Variants in THSD7A observed in about 807,000 individuals in gnomAD.
The protein encoded by THSD7A is thrombospondin type-1 domain-containing protein 7A.
THSD7A carries 96 observed loss-of-function variants against 231.3 expected under a neutral mutation model. That is an observed-to-expected ratio of 0.41 (90% CI 0.35 to 0.49). The LOEUF (loss-of-function observed/expected upper bound fraction) is 0.49. Among genes scored for constraint, THSD7A ranks in the 20% least tolerant of loss-of-function variants. THSD7A has a pLI of 0.05. For synonymous variants in THSD7A, 940 were observed against 743.3 expected (o/e 1.26, Z -4.30); for missense variants, 2,290 against 2,070.2 (o/e 1.11, Z -2.06).
At chr7:11,810,482 T>C (rs1184919476) in intron 1 of THSD7A, among the ~76,000 whole-genome samples, 1 of 152,190 alleles carries the variant, frequency 6.6e-6, no homozygotes, top group African/African-American at 2.4e-5. Context: ...CATACATGTC[T>C]ATACTTCCCC....
At chr7:11,801,488 T>C (rs561394009) in intron 1 of THSD7A, among the ~76,000 whole-genome samples, 3 of 152,262 alleles carry the variant, frequency 2.0e-5, no homozygotes, top group East Asian at 1.9e-4. Context: ...CGTTAGAAAG[T>C]GCCAGAAACA....
At position 11,812,140 on chromosome 7, in the gene THSD7A, T is replaced by TGTGTGTGTGTGTGTGA. The variant is rs377112108; in HGVS notation, c.190+19616_190+19617insTCACACACACACACAC. Among the ~76,000 whole-genome samples the TGTGTGTGTGTGTGTGA allele has an allele frequency of 1.0e-3, 152 of 147,012 alleles. 8 individuals carry two copies. Among genetic ancestry groups the TGTGTGTGTGTGTGTGA allele is most frequent in the African/African-American group, 3.8e-3 (144 of 38,322 alleles). Reference sequence around the variant, plus strand: ...GTGTGTGTGTGTGTGTGTGTGTGTGTGGGAGACAGAGAGAGAGATATGGGG... The same window carrying TGTGTGTGTGTGTGTGA: ...GTGTGTGTGTGTGTGTGTGTGTGTGTGTGTGTGTGTGTGTGAGGGAGACAGAGAGAGAGATATGGGG... On this transcript the variant is annotated intron_variant, in intron 1 of 27. Transcript: ENST00000423059.
intron 13 of THSD7A, among the ~76,000 whole-genome samples, chr7:11,434,342 T>G (rs1476550071): frequency 6.6e-6 from 1 of 152,050 alleles, no homozygotes; most frequent in South Asian, 2.1e-4. Flanking sequence ...TCTGATTATA[T>G]TTTTGACTGC....
At chr7:11,680,417 C>A (rs1193155419) in intron 1 of THSD7A, among the ~76,000 whole-genome samples, 1 of 152,064 alleles carries the variant, frequency 6.6e-6, no homozygotes, top group African/African-American at 2.4e-5. Context: ...AACAGGCAAC[C>A]TACAGAATGG....
intron 2 of THSD7A, among the ~76,000 whole-genome samples, chr7:11,608,978 G>C (rs1175454289): frequency 6.6e-6 from 1 of 152,142 alleles, no homozygotes; most frequent in African/African-American, 2.4e-5. Context: ...ATCATCTGGT[G>C]ATCTCCATTT....
At chr7:11,494,455 A>G (rs987741165) in intron 6 of THSD7A, among the ~76,000 whole-genome samples, 4 of 152,044 alleles carry the variant, frequency 2.6e-5, no homozygotes, top group African/African-American at 9.7e-5. Context: ...GCCTATGACT[A>G]AAGTTCCAGG....
rs1356742054 is a variant in THSD7A at position 11,406,453 on chromosome 7, T to C, written c.4084A>G (p.Thr1362Ala). The C allele has an allele frequency of 6.2e-7, 1 of 1,612,910 alleles. No individual in the cohort carries two copies. The highest frequency in any genetic ancestry group is 2.2e-5 in the East Asian group (1 of 44,870). The change falls in exon 22 of 28, where the codon ACC (threonine) becomes GCC (alanine). Residue 1362 changes from threonine to alanine, a missense_variant. Thr to Ala is a moderately conservative substitution (Grantham distance 58, BLOSUM62 0). Coordinates refer to ENST00000423059, the MANE Select transcript of THSD7A (RefSeq NM_015204.3). This position sits in a 1 kb window ranked among gnomAD's most constrained non-coding sequence, Gnocchi z 4.7. ...ACACAAGAAATGTTCCTTGTTCTGGTCCCTTCTCCACACTGGGCCTCCTGG... is the reference window on the plus strand; with the variant it reads ...ACACAAGAAATGTTCCTTGTTCTGGCCCCTTCTCCACACTGGGCCTCCTGG... ...QVQEAQCGEG[T>A]RTRNISCVVS...
chr7:11,808,373 C>A (rs2128183506), intron 1 of THSD7A, among the ~76,000 whole-genome samples: 1 of 152,190 alleles, frequency 6.6e-6, no homozygotes. Context: ...ACACAGCATC[C>A]CTCACCTTCA....
chr7:11,642,724 G>GT (rs1330912957), intron 1 of THSD7A, among the ~76,000 whole-genome samples: 7 of 152,090 alleles, frequency 4.6e-5, no homozygotes, highest in Non-Finnish European at 8.8e-5. Context: ...ACTTGGCTTA[G>GT]TTTTCCTTAG....
At chr7:11,767,850 C>T (rs985324480) in intron 1 of THSD7A, among the ~76,000 whole-genome samples, 1 of 152,094 alleles carries the variant, frequency 6.6e-6, no homozygotes. Context: ...AAGGAAACAG[C>T]TCAGCATAAA....
At chr7:11,766,974 CT>C (rs948690039) in intron 1 of THSD7A, among the ~76,000 whole-genome samples, 1 of 152,060 alleles carries the variant, frequency 6.6e-6, no homozygotes, top group Non-Finnish European at 1.5e-5. Context: ...AAGAGAAGGT[CT>C]TTGTTTCTAG....
intron 1 of THSD7A, among the ~76,000 whole-genome samples, chr7:11,735,478 G>C (rs1284528479): frequency 6.6e-6 from 1 of 151,792 alleles, no homozygotes; most frequent in Admixed American, 6.6e-5. Context: ...TTACCTTCAG[G>C]CTATGTGTGT....
rs1784973486 is a variant in THSD7A, at chr7:11,446,413, T to C, written c.2801-89A>G. 15 of 1,367,476 alleles carry C rather than the reference T, an allele frequency of 1.1e-5. No individual in the cohort carries two copies. Among genetic ancestry groups the C allele is most frequent in the Non-Finnish European group, 1.4e-5 (14 of 1,009,936 alleles). The allele number at this position is 1,367,476 out of a possible 1,614,324, so 84.7% of individuals were successfully genotyped here. On this transcript the variant is annotated intron_variant, in intron 12 of 27. Coordinates refer to ENST00000423059, the MANE Select transcript of THSD7A (RefSeq NM_015204.3). The surrounding 1 kb of genome is among the most constrained non-coding windows in gnomAD (Gnocchi z 4.0). ...CTAAATTTTCTGCTTTCCTAATTTC[T>C]TTTTCTTCATTTTTAACCATATTTA...
intron 2 of THSD7A, among the ~76,000 whole-genome samples, chr7:11,614,697 T>C (rs1781047447): frequency 6.6e-6 from 1 of 152,246 alleles, no homozygotes; most frequent in South Asian, 2.1e-4. Flanking sequence ...CTAGCTTGTC[T>C]TGTTCTAGTA....
At chr7:11,782,643 T>G (rs77485907) in intron 1 of THSD7A, among the ~76,000 whole-genome samples, 3,908 of 152,228 alleles carry the variant, frequency 0.026, 180 homozygotes, top group African/African-American at 0.089. Context: ...GGCCAGAAAC[T>G]GTTTTAATAT....
intron 1 of THSD7A, among the ~76,000 whole-genome samples, chr7:11,724,725 T>C (rs1378497965): frequency 1.3e-5 from 2 of 151,940 alleles, no homozygotes. Flanking sequence ...TAAGAAAAAT[T>C]GCCATTTTCT....
intron 4 of THSD7A, among the ~76,000 whole-genome samples, chr7:11,577,082 A>G (rs1413636700): frequency 2.0e-5 from 3 of 152,194 alleles, no homozygotes; most frequent in African/African-American, 7.2e-5. Flanking sequence ...GTTATGTATT[A>G]ATGGGAAAAC....
At chr7:11,448,868 C>G (rs1461213624) in intron 11 of THSD7A, among the ~76,000 whole-genome samples, 1 of 151,856 alleles carries the variant, frequency 6.6e-6, no homozygotes, top group Non-Finnish European at 1.5e-5. Context: ...TTGGAAGGGC[C>G]AGTTTGTAAG....
At chr7:11,691,449 G>A (rs1179580709) in intron 1 of THSD7A, among the ~76,000 whole-genome samples, 8 of 151,486 alleles carry the variant, frequency 5.3e-5, no homozygotes, top group Admixed American at 4.6e-4. Flanking sequence ...AATAGAAAGT[G>A]GGAGTAGAGG....
Sources: gnomAD v4.1 joint callset for allele counts (sites outside exome capture counted in the v4.1 genomes callset) on GRCh38, gnomAD v4.1.1 for gene constraint, Gnocchi (gnomAD v3.1) non-coding constraint, MANE v1.5 for transcripts, NCBI Gene and HGNC (gene_info 2026-07-23, HGNC 2026-07-21) for gene names.